FMO5: variants seen among roughly 807,000 people sequenced by gnomAD.
FMO5 encodes flavin containing dimethylaniline monoxygenase 5.
Under a neutral mutation model 43.6 loss-of-function variants are expected in FMO5, and 51 were observed. The ratio of observed to expected loss-of-function variants is 1.17; its 90% CI spans 0.93 to 1.48. The LOEUF is 1.48. Among genes scored for constraint, FMO5 ranks in the 40% most tolerant of loss-of-function variants. The pLI is 0.00. For missense variants in FMO5, 644 were observed against 643.0 expected (o/e 1.00, Z -0.02); for synonymous variants, 187 against 216.5 (o/e 0.86, Z 1.20).
intron 7 of FMO5, among the ~76,000 whole-genome samples, chr1:147,191,559 A>G (rs1320048464): frequency 6.6e-6 from 1 of 151,844 alleles, no homozygotes; most frequent in South Asian, 2.1e-4. Flanking sequence ...AACTTGTTTG[A>G]GTTCATTGTA....
intron 5 of FMO5, 78 bp downstream of exon 5, chr1:147,212,315 G>C: frequency 6.9e-7 from 1 of 1,459,430 alleles, no homozygotes; most frequent in Non-Finnish European, 9.5e-7. Context: ...CCTATTCTCT[G>C]TTGGGTCCAC....
chr1:147,220,208 C>G (rs1662771654), intron 2 of FMO5, among the ~76,000 whole-genome samples: 1 of 151,914 alleles, frequency 6.6e-6, no homozygotes, highest in South Asian at 2.1e-4. Context: ...ATAGTAATAC[C>G]CCTGAAATTA....
At chr1:147,208,235 A>G (rs1660430812) in intron 6 of FMO5, among the ~76,000 whole-genome samples, 1 of 152,148 alleles carries the variant, frequency 6.6e-6, no homozygotes, top group African/African-American at 2.4e-5. Flanking sequence ...GTACTCAATG[A>G]GTAAATGACG....
chr1:147,203,486 C>T lies in FMO5; in HGVS notation c.831-1982G>A. 5 of 851,182 alleles carry T rather than the reference C, an allele frequency of 5.9e-6. 1 individual carries two copies. The highest frequency in any genetic ancestry group is 2.2e-4 in the Middle Eastern group (1 of 4,590). The allele number at this position is 851,182 out of a possible 1,614,324, so 52.7% of individuals were successfully genotyped here. A position where few individuals can be genotyped will look rare whatever the true frequency, so the allele number is the denominator to read the frequency against. ...GGGACTACAGCCTCAGTATCTAATC[C>T]AACATTTTTATTTCCTTCTTGAGGT... On this transcript the variant is annotated intron_variant, in intron 6 of 8. Transcript: ENST00000254090.
At position 147,187,005 on chromosome 1, in the gene FMO5, C is replaced by T; in HGVS notation, c.1497G>A (p.Leu499=). The T allele has an allele frequency of 6.2e-7, 1 of 1,614,206 alleles. No individual in the cohort carries two copies. Among genetic ancestry groups the T allele is most frequent in the Non-Finnish European group, 8.5e-7 (1 of 1,180,030 alleles). ...TACTCCTTTCAACTACTCTTGTCAT[C>T]AGAGGCTTCCTGATGCGATCATCTG... is the stretch of plus-strand genomic sequence containing the variant. ...LTTDDRIRKP[L]MTRVVERSSS... Residue 499 remains leucine (L), a synonymous_variant, in exon 9 of 9, where the codon CTG becomes CTA. Coordinates refer to ENST00000254090, the MANE Select transcript of FMO5 (RefSeq NM_001461.4).
downstream of FMO5, chr1:147,184,632 T>G (rs1553916703): frequency 2.6e-6 from 4 of 1,536,304 alleles, no homozygotes; most frequent in African/African-American, 1.4e-5. The surrounding 1 kb of genome is among the most constrained non-coding windows in gnomAD (Gnocchi z 4.4). Context: ...ATGGTTAGAC[T>G]GCATTATGGT....
chr1:147,217,030 C>T (rs1472276973), intron 2 of FMO5, among the ~76,000 whole-genome samples: 4 of 152,058 alleles, frequency 2.6e-5, no homozygotes, highest in African/African-American at 7.2e-5. Context: ...CATCTGAGGT[C>T]GGGAGTTCAA....
Position 147,209,071 on chromosome 1 carries a change from G to C in FMO5, c.631-20C>G, listed in dbSNP as rs1055817058. ...GAAAACCTGGGGCATGGAAGAAATT[G>C]TTTGCTTTTGTCACTCAGATTCGTA... On this transcript the variant is annotated intron_variant, in intron 5 of 8. Transcript: ENST00000254090. The C allele has an allele frequency of 1.2e-6, 2 of 1,603,472 alleles. No individual in the cohort carries two copies. Among genetic ancestry groups the C allele is most frequent in the Non-Finnish European group, 1.7e-6 (2 of 1,172,194 alleles).
intron 7 of FMO5, among the ~76,000 whole-genome samples, chr1:147,192,896 C>A (rs1657163269): frequency 6.6e-6 from 1 of 152,144 alleles, no homozygotes; most frequent in South Asian, 2.1e-4. Flanking sequence ...TTTTGATGAG[C>A]TGCTGGATTC....
chr1:147,225,838 A>G (rs1553927637), upstream of FMO5: 1 of 152,202 alleles, frequency 6.6e-6, no homozygotes, highest in African/African-American at 2.4e-5. Flanking sequence ...GAGCGTCGGC[A>G]GACTCGCGTC....
In FMO5 at chr1:147,212,418, A is replaced by G. The variant is rs782018520; in HGVS notation, c.605T>C (p.Val202Ala). The G allele has an allele frequency of 1.8e-5, 29 of 1,613,978 alleles. No individual in the cohort carries two copies. The highest frequency in any genetic ancestry group is 2.7e-5 in the African/African-American group (2 of 74,934). Reference sequence around the variant, plus strand: ...CTGCTTGGCTGTTTGGCTAATCTCTACAGCCAGATCCCCTCCAGAATTCCC... The same window carrying G: ...CTGCTTGGCTGTTTGGCTAATCTCTGCAGCCAGATCCCCTCCAGAATTCCC... ...GIGNSGGDLA[V>A]EISQTAKQVF... Residue 202 changes from valine to alanine, a missense_variant, in exon 5 of 9, where the codon GTA becomes GCA. Transcript: ENST00000254090.
intron 7 of FMO5, among the ~76,000 whole-genome samples, chr1:147,197,265 T>A (rs1468606234): frequency 6.6e-6 from 1 of 152,186 alleles, no homozygotes; most frequent in African/African-American, 2.4e-5. Context: ...TTTTAGTAAA[T>A]TCCTATGTAG....
chr1:147,222,112 G>A (rs1416026502), intron 2 of FMO5, among the ~76,000 whole-genome samples: 1 of 152,188 alleles, frequency 6.6e-6, no homozygotes, highest in East Asian at 1.9e-4. Context: ...GCTCATGCCT[G>A]TAATCCCCAC....
In FMO5 at chr1:147,201,431, C is replaced by A; in HGVS notation, c.904G>T (p.Gly302Ter). ...RIISGLVKVK[G>*]NVKEFTETAA... ...GTCTCCGTGAATTCCTTCACATTTC[C>A]TTTCACTTTCACCAAGCCAGAAATG... Residue 302 changes from glycine to a stop codon, truncating the protein, a stop_gained, in exon 7 of 9, where the codon GGA becomes TGA. Transcript: ENST00000254090. LOFTEE classifies it high-confidence loss of function. 6.2e-7 allele frequency: 1 copy of A among 1,614,132 alleles called. No individual in the cohort carries two copies. The highest frequency in any genetic ancestry group is 8.5e-7 in the Non-Finnish European group (1 of 1,180,012).
At chr1:147,214,601 C>T (rs1292041499) in intron 3 of FMO5, among the ~76,000 whole-genome samples, 1 of 152,070 alleles carries the variant, frequency 6.6e-6, no homozygotes, top group Non-Finnish European at 1.5e-5. Flanking sequence ...TTGGTAGACT[C>T]CTACTCATCC....
Position 147,224,957 on chromosome 1 carries a change from C to A in FMO5, c.73G>T (p.Glu25Ter). The A allele has an allele frequency of 6.2e-7, 1 of 1,614,106 alleles. No individual in the cohort carries two copies. The highest frequency in any genetic ancestry group is 2.2e-5 in the East Asian group (1 of 44,868). ...TCAAAGCAGACAGGTTCCAAGCCTT[C>A]TTCTACGCAGCACTTGATGGAAGAG... ...GLSSIKCCVE[E>*]GLEPVCFERT... Residue 25 changes from glutamate (E) to a stop codon, truncating the protein, a stop_gained, in exon 2 of 9, where the codon GAA (glutamate) becomes TAA (stop). Coordinates refer to ENST00000254090, the MANE Select transcript of FMO5 (RefSeq NM_001461.4). LOFTEE classifies it high-confidence loss of function.
At chr1:147,195,813 CT>C (rs1281150689) in intron 7 of FMO5, among the ~76,000 whole-genome samples, 3 of 152,098 alleles carry the variant, frequency 2.0e-5, no homozygotes, top group African/African-American at 7.2e-5. Flanking sequence ...TACAAGCATT[CT>C]TTCTACAAGT....
Position 147,209,393 on chromosome 1 carries a change from G to T in FMO5, c.631-342C>A, listed in dbSNP as rs587669998. Reference sequence around the variant, plus strand: ...GCGGAGCTTGCAGTGAGCCAAGATCGCACCACTGCACTCCAGCCTGGGCAA... The same window carrying T: ...GCGGAGCTTGCAGTGAGCCAAGATCTCACCACTGCACTCCAGCCTGGGCAA... On this transcript the variant is annotated intron_variant, in intron 5 of 8. Transcript: ENST00000254090. 8.3e-5 allele frequency among the ~76,000 whole-genome samples: 11 copies of T among 132,454 alleles called. No individual in the cohort carries two copies. The East Asian group carries it at 2.5e-3, about 30-fold the overall frequency. 86.9% of individuals were successfully genotyped at this position (132,454 alleles called of 152,430 possible). A position where few individuals can be genotyped will look rare whatever the true frequency, so the allele number is the denominator to read the frequency against.
intron 7 of FMO5, among the ~76,000 whole-genome samples, chr1:147,196,954 C>G (rs1489921875): frequency 6.6e-6 from 1 of 152,200 alleles, no homozygotes; most frequent in African/African-American, 2.4e-5. Context: ...ACTTTTACCA[C>G]AGGCTCGTAC....
Sources: allele counts gnomAD v4.1 joint callset (sites outside exome capture counted in the v4.1 genomes callset), GRCh38; gene constraint gnomAD v4.1.1; non-coding constraint Gnocchi (gnomAD v3.1); transcripts MANE v1.5; gene names NCBI Gene and HGNC (gene_info 2026-07-23, HGNC 2026-07-21).